The following LRRC4C variants were observed in gnomAD, a reference collection of about 807,000 sequenced individuals.
LRRC4C encodes the protein leucine rich repeat containing 4C, also known as leucine-rich repeat-containing protein 4C.
Under a neutral mutation model 33.6 loss-of-function variants are expected in LRRC4C, and 5 were observed. That is an observed-to-expected ratio of 0.15 (90% CI 0.08 to 0.31). LRRC4C has a LOEUF of 0.31. Among genes scored for constraint, LRRC4C ranks in the 10% least tolerant of loss-of-function variants. The pLI, the probability that LRRC4C is intolerant of heterozygous loss-of-function variation, is 1.00. For missense variants in LRRC4C, 560 were observed against 796.7 expected (o/e 0.70, Z 3.58); for synonymous variants, 329 against 302.0 (o/e 1.09, Z -0.93).
At chr11:41,202,838 T>C (rs934577876) in intron 1 of LRRC4C, among the ~76,000 whole-genome samples, 10 of 151,364 alleles carry the variant, frequency 6.6e-5, no homozygotes, top group Non-Finnish European at 2.9e-5. Context: ...CAGGCTAGAG[T>C]GCAGTGGCAT....
At position 40,393,289 on chromosome 11, in the gene LRRC4C, A is replaced by G. The variant is rs553746048; in HGVS notation, c.-269-73568T>C. ...CTACGTACATGCTTGTCTTGAACTA[A>G]TGCTTTCATTACAAATCATTTTAGA... On this transcript the variant is annotated intron_variant, in intron 3 of 6. Coordinates refer to ENST00000528697, the MANE Select transcript of LRRC4C (RefSeq NM_001258419.2). Among the ~76,000 whole-genome samples, 3 of 152,312 alleles carry G rather than the reference A, an allele frequency of 2.0e-5. No homozygotes were observed. In the South Asian group the frequency reaches 6.2e-4, roughly 32 times the overall value.
At chr11:41,236,935 C>T (rs1367380230) in intron 1 of LRRC4C, among the ~76,000 whole-genome samples, 1 of 152,182 alleles carries the variant, frequency 6.6e-6, no homozygotes, top group Non-Finnish European at 1.5e-5. Flanking sequence ...TGTAAAGTGC[C>T]TGAAAGGCAG....
chr11:41,157,188 G>T (rs1260971022), intron 1 of LRRC4C, among the ~76,000 whole-genome samples: 1 of 152,012 alleles, frequency 6.6e-6, no homozygotes, highest in Non-Finnish European at 1.5e-5. Context: ...CATTCTACCA[G>T]CCCAAAATGA....
chr11:41,295,060 A>C (rs1422848412), intron 1 of LRRC4C, among the ~76,000 whole-genome samples: 2 of 152,212 alleles, frequency 1.3e-5, no homozygotes, highest in Non-Finnish European at 2.9e-5. Flanking sequence ...CAAATCCATA[A>C]AATGCTTACA....
At chr11:41,387,610 G>T (rs1213174714) in intron 1 of LRRC4C, among the ~76,000 whole-genome samples, 1 of 151,678 alleles carries the variant, frequency 6.6e-6, no homozygotes, top group Non-Finnish European at 1.5e-5. Context: ...GAATATAGGT[G>T]CTTGTCAAAA....
chr11:40,979,277 A>T (rs1019680740), intron 1 of LRRC4C, among the ~76,000 whole-genome samples: 1 of 152,182 alleles, frequency 6.6e-6, no homozygotes, highest in Middle Eastern at 3.2e-3. Context: ...TCATATCTGT[A>T]TCATTTATTT....
intron 2 of LRRC4C, among the ~76,000 whole-genome samples, chr11:40,829,190 A>G (rs769347646): frequency 2.6e-5 from 4 of 152,008 alleles, no homozygotes; most frequent in Non-Finnish European, 5.9e-5. Flanking sequence ...AATAAGATGA[A>G]GTACAATAAA....
chr11:40,847,207 G>A (rs910266836), intron 2 of LRRC4C, among the ~76,000 whole-genome samples: 2 of 152,106 alleles, frequency 1.3e-5, no homozygotes, highest in Non-Finnish European at 2.9e-5. Flanking sequence ...GTGAGAGAGG[G>A]CATCCTTGTC....
chr11:41,015,108 T>C (rs1855485486), intron 1 of LRRC4C, among the ~76,000 whole-genome samples: 1 of 152,158 alleles, frequency 6.6e-6, no homozygotes, highest in Admixed American at 6.5e-5. Flanking sequence ...AATGCTCATA[T>C]CTGAACATTC....
intron 1 of LRRC4C, among the ~76,000 whole-genome samples, chr11:41,189,523 T>C (rs1339363449): frequency 1.3e-5 from 2 of 152,060 alleles, no homozygotes. Flanking sequence ...AAAGTTTAAA[T>C]GGGAGGATGA....
intron 1 of LRRC4C, among the ~76,000 whole-genome samples, chr11:41,062,304 A>T (rs1937843997): frequency 6.6e-6 from 1 of 152,204 alleles, no homozygotes; most frequent in Admixed American, 6.5e-5. Flanking sequence ...GCAACCATGC[A>T]TTCTCACATA....
At chr11:40,209,669 A>T (rs549152822) in intron 5 of LRRC4C, among the ~76,000 whole-genome samples, 1 of 152,240 alleles carries the variant, frequency 6.6e-6, no homozygotes, top group African/African-American at 2.4e-5. Flanking sequence ...CAGCCTCCCA[A>T]GTAGCTGGGA....
chr11:40,202,824 T>C (rs1862863456), intron 5 of LRRC4C, among the ~76,000 whole-genome samples: 1 of 152,192 alleles, frequency 6.6e-6, no homozygotes, highest in African/African-American at 2.4e-5. Context: ...GCAAATTCAC[T>C]GCTTTACTCC....
intron 2 of LRRC4C, among the ~76,000 whole-genome samples, chr11:40,890,779 C>T (rs961745635): frequency 2.6e-5 from 4 of 151,842 alleles, no homozygotes; most frequent in African/African-American, 7.3e-5. Context: ...TCATAACATA[C>T]TTAATCCCCA....
intron 2 of LRRC4C, among the ~76,000 whole-genome samples, chr11:40,834,107 T>A (rs1952545350): frequency 6.6e-6 from 1 of 152,092 alleles, no homozygotes; most frequent in African/African-American, 2.4e-5. Context: ...TCATAGTAAT[T>A]TGTGAGTTAA....
chr11:41,025,771 T>C (rs1856302575), intron 1 of LRRC4C, among the ~76,000 whole-genome samples: 1 of 151,766 alleles, frequency 6.6e-6, no homozygotes, highest in Non-Finnish European at 1.5e-5. Context: ...AAAGATGCCA[T>C]CTAGAACTTT....
At chr11:41,009,815 A>C (rs1855040283) in intron 1 of LRRC4C, among the ~76,000 whole-genome samples, 1 of 152,118 alleles carries the variant, frequency 6.6e-6, no homozygotes, top group Admixed American at 6.6e-5. Flanking sequence ...GTGTTCCCCC[A>C]AAAAAGATAT....
intron 2 of LRRC4C, among the ~76,000 whole-genome samples, chr11:40,906,274 G>A (rs962731833): frequency 1.3e-5 from 2 of 152,218 alleles, no homozygotes; most frequent in African/African-American, 4.8e-5. Context: ...GCTTTGGGAG[G>A]CCAAGGCGGG....
intron 2 of LRRC4C, among the ~76,000 whole-genome samples, chr11:40,912,223 C>A (rs1956731998): frequency 6.6e-6 from 1 of 152,026 alleles, no homozygotes; most frequent in South Asian, 2.1e-4. Flanking sequence ...TTGAGAAGAG[C>A]AACTCCAAGA....
Sources: allele counts gnomAD v4.1 joint callset (sites outside exome capture counted in the v4.1 genomes callset), GRCh38; gene constraint gnomAD v4.1.1; transcripts MANE v1.5; gene names NCBI Gene and HGNC (gene_info 2026-07-23, HGNC 2026-07-21).